DLGAP2: variants seen among roughly 807,000 people sequenced by gnomAD.
DLGAP2 encodes disks large-associated protein 2.
In DLGAP2, 26 loss-of-function variants were observed where a neutral mutation model predicts 100.3. That is an observed-to-expected ratio of 0.26 (90% confidence interval 0.19 to 0.36). DLGAP2 has a LOEUF of 0.36. Ranked by LOEUF, DLGAP2 falls within the 10% of genes least tolerant of loss-of-function variation. The pLI is 1.00. For synonymous variants in DLGAP2, 886 were observed against 630.1 expected, an observed-to-expected ratio of 1.41 and a Z score of -6.08; for missense variants, 1,858 against 1,453.2, an observed-to-expected ratio of 1.28 and a Z score of -4.53.
intron 4 of DLGAP2, among the ~76,000 whole-genome samples, chr8:1,503,757 C>T (rs866405906): frequency 6.6e-6 from 1 of 152,030 alleles, no homozygotes; most frequent in Admixed American, 6.6e-5. Flanking sequence ...TGGGGGTTGG[C>T]CATTGTAAGA....
chr8:1,408,010 G>T (rs187642960), intron 3 of DLGAP2, among the ~76,000 whole-genome samples: 2 of 152,216 alleles, frequency 1.3e-5, no homozygotes, highest in Non-Finnish European at 2.9e-5. Flanking sequence ...AGCATCGCTG[G>T]ACTCAGCACT....
chr8:1,201,476 C>A (rs570073015), intron 2 of DLGAP2, among the ~76,000 whole-genome samples: 230 of 152,264 alleles, frequency 1.5e-3, no homozygotes, highest in Middle Eastern at 3.4e-3. Context: ...TCCAGAGCCT[C>A]CAGAAGGAAG....
chr8:952,428 G>A (rs1799503608), intron 2 of DLGAP2, among the ~76,000 whole-genome samples: 1 of 152,174 alleles, frequency 6.6e-6, no homozygotes, highest in African/African-American at 2.4e-5. Context: ...TTTGAGGTCA[G>A]GAGTTCAAGA....
chr8:1,001,810 AG>A (rs1800965320), intron 2 of DLGAP2, among the ~76,000 whole-genome samples: 1 of 152,184 alleles, frequency 6.6e-6, no homozygotes, highest in Non-Finnish European at 1.5e-5. Flanking sequence ...ACAAGGAACA[AG>A]GAAGAAATCT....
At chr8:1,304,097 C>T (rs946506480) in intron 3 of DLGAP2, among the ~76,000 whole-genome samples, 2 of 152,226 alleles carry the variant, frequency 1.3e-5, no homozygotes, top group Admixed American at 6.5e-5. Flanking sequence ...TTACTGCATT[C>T]TTCAGGGCAG....
At chr8:998,150 A>G (rs1274215414) in intron 2 of DLGAP2, among the ~76,000 whole-genome samples, 2 of 152,236 alleles carry the variant, frequency 1.3e-5, no homozygotes, top group Non-Finnish European at 2.9e-5. Context: ...TGCATACACA[A>G]CACACATACA....
At chr8:1,516,599 A>C (rs1584976578) in intron 4 of DLGAP2, among the ~76,000 whole-genome samples, 1 of 150,490 alleles carries the variant, frequency 6.6e-6, no homozygotes, top group Admixed American at 6.6e-5. Context: ...GAATGAGTGC[A>C]TGAATGAGTG....
intron 3 of DLGAP2, among the ~76,000 whole-genome samples, chr8:1,294,471 C>T (rs919283627): frequency 3.9e-5 from 6 of 152,146 alleles, no homozygotes; most frequent in African/African-American, 1.4e-4. Context: ...AACACATTCT[C>T]ACCGTCACGT....
chr8:1,379,441 C>T (rs543585105), intron 3 of DLGAP2, among the ~76,000 whole-genome samples: 10 of 152,262 alleles, frequency 6.6e-5, no homozygotes, highest in Non-Finnish European at 8.8e-5. Flanking sequence ...CAGACCAAGG[C>T]AGCCTCCGTC....
rs1014805098 is a variant in DLGAP2, at chr8:1,549,469, C to T, written c.1016C>T (p.Ser339Phe). The T allele has an allele frequency of 2.5e-6, 4 of 1,613,346 alleles. No individual in the cohort carries two copies. Among genetic ancestry groups the T allele is most frequent in the Non-Finnish European group, 3.4e-6 (4 of 1,179,782 alleles). Residue 339 changes from serine to phenylalanine, a missense_variant, in exon 5 of 15, where the codon TCC becomes TTC. Coordinates refer to ENST00000637795, the MANE Select transcript of DLGAP2 (RefSeq NM_001346810.2). ...CTGCAGAGCCCCTTCGGGGACCTGT[C>T]CCTCAAGACCTCCAAGAGCAACAAC... The part of the protein sequence containing the change: ...DALQSPFGDL[S>F]LKTSKSNNDV...
chr8:1,332,921 G>A (rs972661996), intron 3 of DLGAP2, among the ~76,000 whole-genome samples: 4 of 152,156 alleles, frequency 2.6e-5, no homozygotes, highest in Non-Finnish European at 5.9e-5. Context: ...ACTTGCTGAT[G>A]TTTCCTCAGA....
At chr8:1,189,561 C>A (rs1196558686) in intron 2 of DLGAP2, among the ~76,000 whole-genome samples, 5 of 152,064 alleles carry the variant, frequency 3.3e-5, no homozygotes, top group Non-Finnish European at 7.3e-5. Context: ...AGGGAAAGAC[C>A]AGCTTAAACT....
chr8:1,317,455 G>C (rs1352878256), intron 3 of DLGAP2, among the ~76,000 whole-genome samples: 2 of 143,680 alleles, frequency 1.4e-5, no homozygotes, highest in African/African-American at 2.7e-5. Context: ...TAAAAATAGA[G>C]GCTGTGCGAG....
At chr8:1,249,353 G>T (rs1366493509) in intron 2 of DLGAP2, among the ~76,000 whole-genome samples, 1 of 152,144 alleles carries the variant, frequency 6.6e-6, no homozygotes, top group Non-Finnish European at 1.5e-5. Flanking sequence ...TGAGTGGAGT[G>T]CACTGTCACT....
intron 1 of DLGAP2, among the ~76,000 whole-genome samples, chr8:783,209 G>A (rs1042695845): frequency 2.0e-5 from 3 of 152,178 alleles, no homozygotes; most frequent in Non-Finnish European, 2.9e-5. Flanking sequence ...GCGCTGCTTA[G>A]GAGGAATGTA....
At chr8:1,331,629 A>C (rs1350618700) in intron 3 of DLGAP2, among the ~76,000 whole-genome samples, 2 of 152,128 alleles carry the variant, frequency 1.3e-5, no homozygotes, top group African/African-American at 2.4e-5. Context: ...TTTTGTGTTA[A>C]TCTCAGTTTG....
intron 4 of DLGAP2, among the ~76,000 whole-genome samples, chr8:1,532,959 G>C (rs1459663495): frequency 2.0e-5 from 3 of 152,044 alleles, no homozygotes; most frequent in African/African-American, 7.2e-5. Flanking sequence ...TCACACCTTT[G>C]TTGGGCTCTG....
chr8:1,125,195 C>G (rs905741294), intron 2 of DLGAP2, among the ~76,000 whole-genome samples: 4 of 152,216 alleles, frequency 2.6e-5, no homozygotes, highest in African/African-American at 9.6e-5. Flanking sequence ...ATACTTACAG[C>G]TTCCTCCACA....
chr8:1,092,324 A>G (rs1240983115), intron 2 of DLGAP2, among the ~76,000 whole-genome samples: 3 of 152,222 alleles, frequency 2.0e-5, no homozygotes. Flanking sequence ...GCTGATGTGC[A>G]ATATGTGTGC....
Sources: allele counts gnomAD v4.1 joint callset (sites outside exome capture counted in the v4.1 genomes callset), GRCh38; gene constraint gnomAD v4.1.1; transcripts MANE v1.5; gene names NCBI Gene and HGNC (gene_info 2026-07-23, HGNC 2026-07-21).